Variants in CHD3 observed in about 807,000 individuals in gnomAD.
CHD3 encodes the protein ATP-dependent chromatin remodeler CHD3.
A neutral mutation model predicts 248.9 loss-of-function variants in CHD3; 52 were observed. The observed-to-expected ratio is 0.21, with a 90% CI of 0.17 to 0.26. CHD3 has a LOEUF of 0.26. Ranked by LOEUF, CHD3 falls within the 10% of genes least tolerant of loss-of-function variation. The pLI, the probability that CHD3 is intolerant of heterozygous loss-of-function variation, is 1.00. For synonymous variants in CHD3, 985 were observed against 985.2 expected (o/e 1.00, Z 0.00); for missense variants, 1,482 against 2,605.8 (o/e 0.57, Z 9.39).
At chr17:7,893,967 TG>T in intron 6 of CHD3, 32 bp downstream of exon 6, 2 of 1,612,042 alleles carry the variant, frequency 1.2e-6, no homozygotes. Flanking sequence ...ACTAAACACC[TG>T]GGGGCCAAGG....
chr17:7,885,713 A>T (rs1286831583), upstream of CHD3, among the ~76,000 whole-genome samples: 2 of 150,976 alleles, frequency 1.3e-5, no homozygotes, highest in Non-Finnish European at 3.0e-5. Flanking sequence ...TGTCCATCGG[A>T]CCCCCCTCCA....
At position 7,904,440 on chromosome 17, in the gene CHD3, A is replaced by C; in HGVS notation, c.3895-2A>C. 1 of 1,612,004 alleles carries C rather than the reference A, an allele frequency of 6.2e-7. No individual in the cohort carries two copies. Among genetic ancestry groups the C allele is most frequent in the Non-Finnish European group, 8.5e-7 (1 of 1,178,404 alleles). On this transcript the variant is annotated splice_acceptor_variant, in intron 24 of 39. Transcript: ENST00000330494. LOFTEE classifies it high-confidence loss of function. The surrounding 1 kb of genome is among the most constrained non-coding windows in gnomAD (Gnocchi z 4.4). ...GTGTTCATTCATTCTGTTGCCCTTC[A>C]GATTGAGGAAATTGAGCGAGAGATC...
At chr17:7,890,830 G>T in intron 3 of CHD3, 89 bp downstream of exon 3, 2 of 1,581,208 alleles carry the variant, frequency 1.3e-6, no homozygotes, top group Non-Finnish European at 8.6e-7. Flanking sequence ...GGAGAATGGG[G>T]CAAGAAGCAA....
At position 7,889,131 on chromosome 17, in the gene CHD3, C is replaced by T; in HGVS notation, c.100+31C>T. 6.2e-7 allele frequency: 1 copy of T among 1,613,862 alleles called. No homozygotes were observed. The highest frequency in any genetic ancestry group is 8.5e-7 in the Non-Finnish European group (1 of 1,179,800). ...TATCCGAGGAAATGTAAATAGAGGC[C>T]TCCCTCTTGGCAAAAGGATGTCAGG... On this transcript the variant is annotated intron_variant, in intron 1 of 39. Coordinates refer to ENST00000330494, the MANE Select transcript of CHD3 (RefSeq NM_001005273.3). This position sits in a 1 kb window ranked among gnomAD's most constrained non-coding sequence, Gnocchi z 4.5.
In CHD3 at chr17:7,908,127, C is replaced by T. The variant is rs1971225860; in HGVS notation, c.5152+108C>T. 7.5e-7 allele frequency: 1 copy of T among 1,340,272 alleles called. No individual in the cohort carries two copies. The highest frequency in any genetic ancestry group is 2.3e-5 in the Admixed American group (1 of 44,432). 83.0% of individuals were successfully genotyped at this position (1,340,272 alleles called of 1,614,324 possible). Reference sequence around the variant, plus strand: ...TGCTACCTTTAATTCCAAGTAACTTCCAATGAAGTATGTTGCATGCTGACT... The same window carrying T: ...TGCTACCTTTAATTCCAAGTAACTTTCAATGAAGTATGTTGCATGCTGACT... On this transcript the variant is annotated intron_variant, in intron 34 of 39. Coordinates refer to ENST00000330494, the MANE Select transcript of CHD3 (RefSeq NM_001005273.3). This position sits in a 1 kb window ranked among gnomAD's most constrained non-coding sequence, Gnocchi z 5.8.
In CHD3 at chr17:7,889,522, A is replaced by G; in HGVS notation, c.101-142A>G. The G allele has an allele frequency of 1.5e-6, 1 of 678,520 alleles. No individual in the cohort carries two copies. The allele number at this position is 678,520 out of a possible 1,614,324, so 42.0% of individuals were successfully genotyped here. On this transcript the variant is annotated intron_variant, in intron 1 of 39. Coordinates refer to ENST00000330494, the MANE Select transcript of CHD3 (RefSeq NM_001005273.3). This position sits in a 1 kb window ranked among gnomAD's most constrained non-coding sequence, Gnocchi z 4.5. ...AGTACTCGAAACACTTTCTGTTTGC[A>G]TCCAGTGAAGGGAGGCAGGGCTTGG...
In CHD3 at chr17:7,899,444, A is replaced by G. The variant is rs758240084; in HGVS notation, c.2445A>G (p.Thr815=). Residue 815 remains threonine, a synonymous_variant, in exon 15 of 40, where the codon ACA becomes ACG. Coordinates refer to ENST00000330494, the MANE Select transcript of CHD3 (RefSeq NM_001005273.3). This position sits in a 1 kb window ranked among gnomAD's most constrained non-coding sequence, Gnocchi z 6.8. Reference sequence around the variant, plus strand: ...GGGCACCCAAATTCTATGTGGTGACATACACGGGTGACAAGGACAGCCGGG... The same window carrying G: ...GGGCACCCAAATTCTATGTGGTGACGTACACGGGTGACAAGGACAGCCGGG... ...QMWAPKFYVV[T]YTGDKDSRAI... 49 of 1,614,094 alleles carry G rather than the reference A, an allele frequency of 3.0e-5. No individual in the cohort carries two copies. The highest frequency in any genetic ancestry group is 4.0e-5 in the Non-Finnish European group (47 of 1,180,048).
At chr17:7,890,819 T>C in intron 3 of CHD3, 78 bp downstream of exon 3, 1 of 1,580,540 alleles carries the variant, frequency 6.3e-7, no homozygotes, top group South Asian at 1.2e-5. Context: ...GAGACTGGAC[T>C]GGAGAATGGG....
rs773082340 is a variant in CHD3, at chr17:7,900,062, T to C, written c.2682+29T>C. 126 of 1,582,656 alleles carry C rather than the reference T, an allele frequency of 8.0e-5. No homozygotes were observed. Among genetic ancestry groups the C allele is most frequent in the Middle Eastern group, 3.4e-4 (2 of 5,944 alleles). On this transcript the variant is annotated intron_variant, in intron 16 of 39. Transcript: ENST00000330494. This position sits in a 1 kb window ranked among gnomAD's most constrained non-coding sequence, Gnocchi z 6.5. Reference sequence around the variant, plus strand: ...AGTGAGGTTTCCAGACCTAAAAAACTTGAAGTTGTGGACTTCCCACTTGCC... The same window carrying C: ...AGTGAGGTTTCCAGACCTAAAAAACCTGAAGTTGTGGACTTCCCACTTGCC...
At chr17:7,902,870 A>T in intron 21 of CHD3, 67 bp from the exon 22 acceptor site, 2 of 1,594,730 alleles carry the variant, frequency 1.3e-6, no homozygotes, top group South Asian at 2.2e-5. Context: ...TCATCAGAGA[A>T]CATCTAGGAG....
At position 7,908,853 on chromosome 17, in the gene CHD3, C is replaced by T. The variant is rs563758726; in HGVS notation, c.5394+24C>T. The T allele has an allele frequency of 1.5e-5, 24 of 1,613,788 alleles. No individual in the cohort carries two copies. The highest frequency in any genetic ancestry group is 4.0e-5 in the African/African-American group (3 of 74,982). On this transcript the variant is annotated intron_variant, in intron 36 of 39. Coordinates refer to ENST00000330494, the MANE Select transcript of CHD3 (RefSeq NM_001005273.3). The surrounding 1 kb of genome is among the most constrained non-coding windows in gnomAD (Gnocchi z 5.8). ...AGGTGGGAATGAGGGAGGAAAGGAG[C>T]GGGTTATAGACGGGCTTGGGTCAGA...
At position 7,911,258 on chromosome 17, in the gene CHD3, G is replaced by A. The variant is rs1419948722; in HGVS notation, c.5882-206G>A. On this transcript the variant is annotated intron_variant, in intron 39 of 39. Coordinates refer to ENST00000330494, the MANE Select transcript of CHD3 (RefSeq NM_001005273.3). This position sits in a 1 kb window ranked among gnomAD's most constrained non-coding sequence, Gnocchi z 5.4. Reference sequence around the variant, plus strand: ...TCAAGGGAAAGTGAATATGAAACCCGAGGGGTTAGAGAGTGGGAACATGTG... The same window carrying A: ...TCAAGGGAAAGTGAATATGAAACCCAAGGGGTTAGAGAGTGGGAACATGTG... Among the ~76,000 whole-genome samples, 2 of 152,218 alleles carry A rather than the reference G, an allele frequency of 1.3e-5. No individual in the cohort carries two copies. The highest frequency in any genetic ancestry group is 2.9e-5 in the Non-Finnish European group (2 of 68,040).
At position 7,903,263 on chromosome 17, in the gene CHD3, C is replaced by T. The variant is rs1970531089; in HGVS notation, c.3496-9C>T. On this transcript the variant is annotated splice_polypyrimidine_tract_variant and intron_variant, in intron 22 of 39. Coordinates refer to ENST00000330494, the MANE Select transcript of CHD3 (RefSeq NM_001005273.3). This position sits in a 1 kb window ranked among gnomAD's most constrained non-coding sequence, Gnocchi z 6.8. ...CTGACCCACCCGCCACTTTCTCTTGCCCCTGCAGGCCTTTAGCCGGGCTCA... is the reference window on the plus strand; with the variant it reads ...CTGACCCACCCGCCACTTTCTCTTGTCCCTGCAGGCCTTTAGCCGGGCTCA... 4.3e-6 allele frequency: 7 copies of T among 1,612,926 alleles called. 1 individual carries two copies. The Middle Eastern group carries it at 8.7e-4, about 199-fold the overall frequency.
rs962275997 is a variant in CHD3 at position 7,889,866 on chromosome 17, G to A, written c.213+90G>A. 2.2e-5 allele frequency: 28 copies of A among 1,299,038 alleles called. No homozygotes were observed. The Admixed American group carries it at 5.3e-4, about 25-fold the overall frequency. The allele number at this position is 1,299,038 out of a possible 1,614,324, so 80.5% of individuals were successfully genotyped here. A position where few individuals can be genotyped will look rare whatever the true frequency, so the allele number is the denominator to read the frequency against. On this transcript the variant is annotated intron_variant, in intron 2 of 39. Transcript: ENST00000330494. The surrounding 1 kb of genome is among the most constrained non-coding windows in gnomAD (Gnocchi z 4.5). ...TTTCTCTGGTCCTGATTACTGGTGT[G>A]GGGGTGGGGTTCTGAAGCCAGGGAG...
Position 7,911,338 on chromosome 17 carries a change from C to T in CHD3, c.5882-126C>T. ...AGGGAAAGGGGTTTGCCCGGGTCTTCCCTCCCTCACGTGGGACAACGGGAA... is the reference window on the plus strand; with the variant it reads ...AGGGAAAGGGGTTTGCCCGGGTCTTTCCTCCCTCACGTGGGACAACGGGAA... On this transcript the variant is annotated intron_variant, in intron 39 of 39. Coordinates refer to ENST00000330494, the MANE Select transcript of CHD3 (RefSeq NM_001005273.3). This position sits in a 1 kb window ranked among gnomAD's most constrained non-coding sequence, Gnocchi z 5.4. 1 of 1,456,276 alleles carries T rather than the reference C, an allele frequency of 6.9e-7. No individual in the cohort carries two copies. Among genetic ancestry groups the T allele is most frequent in the Non-Finnish European group, 9.5e-7 (1 of 1,049,694 alleles). 90.2% of individuals were successfully genotyped at this position (1,456,276 alleles called of 1,614,324 possible). A position where few individuals can be genotyped will look rare whatever the true frequency, so the allele number is the denominator to read the frequency against.
In CHD3 at chr17:7,910,902, C is replaced by T; in HGVS notation, c.5810C>T (p.Ala1937Val). The T allele has an allele frequency of 6.2e-7, 1 of 1,613,632 alleles. No individual in the cohort carries two copies. Among genetic ancestry groups the T allele is most frequent in the Middle Eastern group, 1.7e-4 (1 of 6,060 alleles). Residue 1937 changes from alanine to valine, a missense_variant, in exon 39 of 40, where the codon GCC becomes GTC. Transcript: ENST00000330494. The surrounding 1 kb of genome is among the most constrained non-coding windows in gnomAD (Gnocchi z 4.7). ...TPPGYGAAFS[A>V]APVGALAAAG... ...CCGGGGTACGGGGCGGCCTTCAGCG[C>T]CGCACCCGTAGGGGCCCTGGCCGCC...
In CHD3 at chr17:7,911,645, G is replaced by A; in HGVS notation, c.*60G>A. On this transcript the variant is annotated 3_prime_UTR_variant, in exon 40 of 40. Coordinates refer to ENST00000330494, the MANE Select transcript of CHD3 (RefSeq NM_001005273.3). The surrounding 1 kb of genome is among the most constrained non-coding windows in gnomAD (Gnocchi z 5.4). ...TCCCCGAGGCCGACCCCCAGCTCAA[G>A]CGCTGGGGCCTGCTGCCAGCCCTCC... The A allele has an allele frequency of 6.2e-7, 1 of 1,611,170 alleles. No homozygotes were observed. The highest frequency in any genetic ancestry group is 1.1e-5 in the South Asian group (1 of 90,794).
In CHD3 at chr17:7,905,939, C is replaced by T. The variant is rs754224051; in HGVS notation, c.4308C>T (p.Thr1436=). 3.7e-6 allele frequency: 6 copies of T among 1,614,178 alleles called. No homozygotes were observed. Among genetic ancestry groups the T allele is most frequent in the East Asian group, 2.2e-5 (1 of 44,888 alleles). ...GGATGCCACCACAGGATGCCTTCAC[C>T]ACACAGTGGCTGGTGCGGGACCTGA... ...RWGMPPQDAF[T]TQWLVRDLRG... is the part of the protein sequence containing the mutation. Residue 1436 remains threonine (T), a synonymous_variant, in exon 28 of 40, where the codon ACC becomes ACT. Coordinates refer to ENST00000330494, the MANE Select transcript of CHD3 (RefSeq NM_001005273.3). The surrounding 1 kb of genome is among the most constrained non-coding windows in gnomAD (Gnocchi z 5.8).
rs764096718 is a variant in CHD3 at position 7,899,295 on chromosome 17, A to G, written c.2344-48A>G. The G allele has an allele frequency of 3.1e-6, 5 of 1,605,510 alleles. No homozygotes were observed. In the African/African-American group the frequency reaches 6.7e-5, roughly 21 times the overall value. On this transcript the variant is annotated intron_variant, in intron 14 of 39. Transcript: ENST00000330494. The surrounding 1 kb of genome is among the most constrained non-coding windows in gnomAD (Gnocchi z 6.8). ...GGTGTAGCTGGCAGAGGACTAGGGTATACGGCCTCTAGCCTAGACTTATGC... is the reference window on the plus strand; with the variant it reads ...GGTGTAGCTGGCAGAGGACTAGGGTGTACGGCCTCTAGCCTAGACTTATGC...
Sources: allele counts gnomAD v4.1 joint callset (sites outside exome capture counted in the v4.1 genomes callset), GRCh38; gene constraint gnomAD v4.1.1; non-coding constraint Gnocchi (gnomAD v3.1); transcripts MANE v1.5; gene names NCBI Gene and HGNC (gene_info 2026-07-23, HGNC 2026-07-21).